The following TRPC4 variants were observed in gnomAD, a reference collection of about 807,000 sequenced individuals.
The protein encoded by TRPC4 is short transient receptor potential channel 4.
TRPC4 carries 49 observed loss-of-function variants against 99.4 expected under a neutral mutation model. The ratio of observed to expected loss-of-function variants is 0.49; its 90% CI spans 0.39 to 0.63. The LOEUF (loss-of-function observed/expected upper bound fraction) is 0.63, where lower values mean the gene tolerates loss of function less well. Ranked by LOEUF, TRPC4 falls within the 20% of genes least tolerant of loss-of-function variation. The probability of loss-of-function intolerance (pLI) is 0.00; values close to 1 mark genes in which losing one functional copy is unlikely to be tolerated. For synonymous variants in TRPC4, 454 were observed against 425.9 expected, an observed-to-expected ratio of 1.07 and a Z score of -0.81; for missense variants, 898 against 1,152.9, an observed-to-expected ratio of 0.78 and a Z score of 3.20.
intron 3 of TRPC4, among the ~76,000 whole-genome samples, chr13:37,716,889 G>A (rs910927517): frequency 2.6e-5 from 4 of 152,040 alleles, no homozygotes; most frequent in East Asian, 1.9e-4. Context: ...AGTTCTTAAA[G>A]TGTTTTTTTA....
intron 1 of TRPC4, among the ~76,000 whole-genome samples, chr13:37,814,548 T>G (rs1957788984): frequency 6.6e-6 from 1 of 151,858 alleles, no homozygotes; most frequent in South Asian, 2.1e-4. Flanking sequence ...TAGAAACAGT[T>G]CCATGTAAAA....
intron 1 of TRPC4, among the ~76,000 whole-genome samples, chr13:37,837,651 T>A (rs2139621765): frequency 6.6e-6 from 1 of 152,360 alleles, no homozygotes; most frequent in South Asian, 2.1e-4. Context: ...TGCTTTTGAT[T>A]TTACAGGCTC....
intron 1 of TRPC4, among the ~76,000 whole-genome samples, chr13:37,787,807 G>A (rs1957009282): frequency 1.3e-5 from 2 of 151,884 alleles, no homozygotes; most frequent in African/African-American, 4.8e-5. Flanking sequence ...TTTTAAAGAT[G>A]GAAATCAAGA....
intron 1 of TRPC4, among the ~76,000 whole-genome samples, chr13:37,808,422 A>C (rs899219827): frequency 6.6e-6 from 1 of 152,110 alleles, no homozygotes; most frequent in Non-Finnish European, 1.5e-5. Context: ...AGACCTCCTT[A>C]GAATTGTAGC....
chr13:37,665,934 C>G (rs142803370), intron 5 of TRPC4, among the ~76,000 whole-genome samples: 31 of 150,114 alleles, frequency 2.1e-4, no homozygotes, highest in African/African-American at 7.3e-4. Flanking sequence ...ATTTCAGAGT[C>G]TAGCACTTCT....
chr13:37,716,823 T>A (rs1034950412), intron 3 of TRPC4, among the ~76,000 whole-genome samples: 18 of 152,304 alleles, frequency 1.2e-4, no homozygotes, highest in African/African-American at 3.6e-4. Flanking sequence ...TTTTTATTTT[T>A]AAATTGTCCT....
chr13:37,720,469 T>C (rs539935619), intron 3 of TRPC4, among the ~76,000 whole-genome samples: 38 of 152,190 alleles, frequency 2.5e-4, no homozygotes, highest in Admixed American at 5.9e-4. Flanking sequence ...AGTAGTATTA[T>C]TTTGCTTTTT....
chr13:37,698,862 A>G (rs1171955590), intron 3 of TRPC4, among the ~76,000 whole-genome samples: 3 of 152,208 alleles, frequency 2.0e-5, no homozygotes, highest in Admixed American at 2.0e-4. Context: ...GAGAAACATG[A>G]GTAGGTGATA....
chr13:37,691,327 A>C (rs2138874022), intron 4 of TRPC4, among the ~76,000 whole-genome samples: 1 of 152,134 alleles, frequency 6.6e-6, no homozygotes, highest in Middle Eastern at 3.4e-3. Flanking sequence ...GATGGCTACG[A>C]TCTCCTGACC....
Position 37,773,703 on chromosome 13 carries a change from TAAC to T in TRPC4, c.378+9250_378+9252del, listed in dbSNP as rs752067821. On this transcript the variant is annotated intron_variant, in intron 2 of 10. Coordinates refer to ENST00000379705, the MANE Select transcript of TRPC4 (RefSeq NM_016179.4). ...GGGTTGTTATGAGGTTTAAATAAGA[TAAC>T]AATCTAGAATGATCTTAAGAGAATG... Among the ~76,000 whole-genome samples the T allele has an allele frequency of 1.3e-4, 20 of 151,892 alleles. No homozygotes were observed. The South Asian group carries it at 1.7e-3, about 13-fold the overall frequency.
chr13:37,665,885 A>G (rs970596361), intron 5 of TRPC4, among the ~76,000 whole-genome samples: 1 of 149,908 alleles, frequency 6.7e-6, no homozygotes, highest in Non-Finnish European at 1.5e-5. Flanking sequence ...AAGGTTTTCC[A>G]TTTTTACAGA....
intron 1 of TRPC4, among the ~76,000 whole-genome samples, chr13:37,842,683 G>A (rs1254670116): frequency 6.6e-6 from 1 of 152,086 alleles, no homozygotes; most frequent in Non-Finnish European, 1.5e-5. Flanking sequence ...CTTTTGTAAT[G>A]GCACTAATCA....
Position 37,782,890 on chromosome 13 carries a change from AAG to A in TRPC4, c.378+64_378+65del. 6.7e-6 allele frequency: 9 copies of A among 1,346,082 alleles called. No homozygotes were observed. The Admixed American group carries it at 8.2e-5, about 12-fold the overall frequency. The allele number at this position is 1,346,082 out of a possible 1,614,324, so 83.4% of individuals were successfully genotyped here. ...TTGAAAATCTAAAAAAAAAAAAAGA[AAG>A]AAAAGAAAAAACAAAAAACCTTCTG... On this transcript the variant is annotated intron_variant, in intron 2 of 10. Transcript: ENST00000379705.
chr13:37,642,749 T>C (rs1166339786), intron 8 of TRPC4, among the ~76,000 whole-genome samples: 1 of 151,076 alleles, frequency 6.6e-6, no homozygotes, highest in African/African-American at 2.4e-5. Flanking sequence ...TTTTTTTTTT[T>C]TTTTTGAGAT....
intron 4 of TRPC4, among the ~76,000 whole-genome samples, chr13:37,688,111 A>T (rs888296263): frequency 6.6e-6 from 1 of 152,182 alleles, no homozygotes; most frequent in African/African-American, 2.4e-5. Context: ...AGATCTCTTG[A>T]GGCTGTTTGA....
chr13:37,740,018 A>G (rs993175872), intron 3 of TRPC4, among the ~76,000 whole-genome samples: 1 of 152,168 alleles, frequency 6.6e-6, no homozygotes, highest in African/African-American at 2.4e-5. Flanking sequence ...ATTTGTAGCA[A>G]GTGCAAAGGT....
chr13:37,834,070 C>T (rs142564632), intron 1 of TRPC4, among the ~76,000 whole-genome samples: 1 of 152,176 alleles, frequency 6.6e-6, no homozygotes, highest in East Asian at 1.9e-4. Context: ...AAATTTAGTT[C>T]ATCAGGTGAC....
chr13:37,717,116 A>T lies in TRPC4; in HGVS notation c.898-24781T>A, dbSNP rs528370104. On this transcript the variant is annotated intron_variant, in intron 3 of 10. Coordinates refer to ENST00000379705, the MANE Select transcript of TRPC4 (RefSeq NM_016179.4). ...TCCATGACAATACTTCATATTCACAACATTTTACAGGGAGTTATAAGGGAG... is the reference window on the plus strand; with the variant it reads ...TCCATGACAATACTTCATATTCACATCATTTTACAGGGAGTTATAAGGGAG... 3.3e-5 allele frequency among the ~76,000 whole-genome samples: 5 copies of T among 152,264 alleles called. No individual in the cohort carries two copies. In the South Asian group the frequency reaches 8.3e-4, roughly 25 times the overall value.
intron 1 of TRPC4, among the ~76,000 whole-genome samples, chr13:37,786,452 G>A (rs1408223489): frequency 2.0e-5 from 3 of 151,752 alleles, no homozygotes; most frequent in Admixed American, 6.6e-5. Flanking sequence ...CTTGAGATGC[G>A]GGGATACTAA....
Sources: gnomAD v4.1 joint callset for allele counts (sites outside exome capture counted in the v4.1 genomes callset) on GRCh38, gnomAD v4.1.1 for gene constraint, MANE v1.5 for transcripts, NCBI Gene and HGNC (gene_info 2026-07-23, HGNC 2026-07-21) for gene names.